SLC14A2: variants seen among roughly 807,000 people sequenced by gnomAD.
SLC14A2 encodes the protein solute carrier family 14 member 2, also known as urea transporter 2.
Under a neutral mutation model 104.6 loss-of-function variants are expected in SLC14A2, and 91 were observed. That is an observed-to-expected ratio of 0.87 (90% CI 0.73 to 1.04). The LOEUF (loss-of-function observed/expected upper bound fraction) is 1.04, where lower values mean the gene tolerates loss of function less well. Ranked by LOEUF, SLC14A2 falls within the 50% of genes least tolerant of loss-of-function variation. The pLI is 0.00. For synonymous variants in SLC14A2, 476 were observed against 466.4 expected (o/e 1.02, Z -0.27); for missense variants, 1,189 against 1,156.0 (o/e 1.03, Z -0.41).
Position 45,661,886 on chromosome 18 carries a change from C to T in SLC14A2, c.1352-1899C>T, listed in dbSNP as rs74858371. 7.7e-3 allele frequency among the ~76,000 whole-genome samples: 1,172 copies of T among 152,322 alleles called. 20 individuals are homozygous for T. The highest frequency in any genetic ancestry group is 0.025 in the African/African-American group (1,038 of 41,558). On this transcript the variant is annotated intron_variant, in intron 10 of 19. Coordinates refer to ENST00000255226, the MANE Select transcript of SLC14A2 (RefSeq NM_007163.4). ...ATCTCTGAAATGCAGAGTTGAGGGG[C>T]ACTTCTCAGTCTTGGGAGTTACAGC... is the stretch of plus-strand genomic sequence containing the variant.
At chr18:45,442,972 A>G (rs369097054) in intron 1 of SLC14A2, among the ~76,000 whole-genome samples, 5 of 152,178 alleles carry the variant, frequency 3.3e-5, no homozygotes, top group East Asian at 1.9e-4. Context: ...CACAATGTCA[A>G]TATGTGGGCC....
At chr18:45,629,307 T>A (rs779638855) in intron 4 of SLC14A2, among the ~76,000 whole-genome samples, 3 of 152,154 alleles carry the variant, frequency 2.0e-5, no homozygotes, top group South Asian at 4.1e-4. Context: ...CAAAGTCAGA[T>A]GGATGAGAGG....
the SLC14A2 span, among the ~76,000 whole-genome samples, chr18:45,168,385 C>A: frequency 6.6e-6 from 1 of 152,278 alleles, no homozygotes; most frequent in South Asian, 2.1e-4. Context: ...TGAATTTTGG[C>A]TGAACCTCAT....
chr18:45,401,815 C>T (rs74659519), intron 1 of SLC14A2, among the ~76,000 whole-genome samples: 1 of 152,092 alleles, frequency 6.6e-6, no homozygotes, highest in Non-Finnish European at 1.5e-5. Context: ...TGGAGATACA[C>T]TCCCTAAGAC....
intron 1 of SLC14A2, among the ~76,000 whole-genome samples, chr18:45,292,634 A>G (rs1599649327): frequency 6.6e-6 from 1 of 152,212 alleles, no homozygotes; most frequent in African/African-American, 2.4e-5. Context: ...CTCCTTAAAT[A>G]GGGTCCCCCA....
the SLC14A2 span, among the ~76,000 whole-genome samples, chr18:45,190,868 G>C: frequency 6.6e-6 from 1 of 152,186 alleles, no homozygotes; most frequent in South Asian, 2.1e-4. Flanking sequence ...TCACAGCTAA[G>C]AACTGCAGGG....
intron 2 of SLC14A2, among the ~76,000 whole-genome samples, chr18:45,557,666 T>C (rs543606015): frequency 2.0e-3 from 301 of 152,212 alleles, no homozygotes; most frequent in African/African-American, 6.9e-3. Context: ...AGAGGCCCCA[T>C]ATATTGGGCC....
intron 1 of SLC14A2, among the ~76,000 whole-genome samples, chr18:45,392,162 G>T (rs1032923814): frequency 1.3e-5 from 2 of 152,178 alleles, no homozygotes; most frequent in African/African-American, 4.8e-5. Context: ...TACCTCCTTG[G>T]AGTGGGCAAA....
At chr18:45,415,122 G>A (rs2086262867) in intron 1 of SLC14A2, among the ~76,000 whole-genome samples, 1 of 151,996 alleles carries the variant, frequency 6.6e-6, no homozygotes, top group South Asian at 2.1e-4. Context: ...CCTGACATGA[G>A]CCAGGTATGT....
chr18:45,350,347 G>T (rs2085490542), intron 1 of SLC14A2, among the ~76,000 whole-genome samples: 1 of 152,098 alleles, frequency 6.6e-6, no homozygotes, highest in African/African-American at 2.4e-5. Flanking sequence ...CACCCCCATG[G>T]CTCAGATACA....
chr18:45,176,503 C>T, the SLC14A2 span, among the ~76,000 whole-genome samples: 3 of 152,162 alleles, frequency 2.0e-5, no homozygotes, highest in Admixed American at 1.3e-4. Flanking sequence ...CACTTCCTCC[C>T]ATTCCCAACT....
chr18:45,625,975 GGATCTGCCC>G, intron 3 of SLC14A2, 112 bp downstream of exon 3: 3 of 823,724 alleles, frequency 3.6e-6, no homozygotes, highest in Non-Finnish European at 5.1e-6. Context: ...CACCCTGGGT[GGATCTGCCC>G]AGGACTGGAC....
intron 1 of SLC14A2, among the ~76,000 whole-genome samples, chr18:45,460,083 A>G (rs140558470): frequency 6.6e-6 from 1 of 152,228 alleles, no homozygotes; most frequent in Non-Finnish European, 1.5e-5. Context: ...AGATAGAGCC[A>G]TTGGGTTCTG....
intron 1 of SLC14A2, among the ~76,000 whole-genome samples, chr18:45,472,281 G>A (rs2087265062): frequency 6.6e-6 from 1 of 152,172 alleles, no homozygotes; most frequent in Non-Finnish European, 1.5e-5. Context: ...TATCATTGAT[G>A]GGCATTTGGG....
intron 2 of SLC14A2, among the ~76,000 whole-genome samples, chr18:45,517,101 G>A (rs529249867): frequency 3.3e-5 from 5 of 152,292 alleles, no homozygotes; most frequent in South Asian, 2.1e-4. Flanking sequence ...AGCACAGTTC[G>A]GTGAGATGTG....
chr18:45,332,555 C>G (rs891021217), intron 1 of SLC14A2, among the ~76,000 whole-genome samples: 1 of 152,074 alleles, frequency 6.6e-6, no homozygotes, highest in South Asian at 2.1e-4. Context: ...AATTAAGGAC[C>G]AGGTCCTGGA....
intron 1 of SLC14A2, among the ~76,000 whole-genome samples, chr18:45,338,682 CA>C (rs59474827): frequency 6.0e-3 from 311 of 51,772 alleles, no homozygotes; most frequent in Non-Finnish European, 8.4e-3. Context: ...CACTGGCTCA[CA>C]AAAAAAAAAA....
In SLC14A2 at chr18:45,624,760, G is replaced by A. The variant is rs374701802; in HGVS notation, c.96G>A (p.Ser32=). ...AGTTTACCAGCCCGAGCTGGCCCTC[G>A]ACATCCCCGGATACTCACCCAGCTC... ...EAEFTSPSWP[S]TSPDTHPALP... The change falls in exon 2 of 20, where the codon TCG becomes TCA. Residue 32 remains serine, a synonymous_variant. Coordinates refer to ENST00000255226, the MANE Select transcript of SLC14A2 (RefSeq NM_007163.4). The A allele has an allele frequency of 3.1e-5, 50 of 1,613,142 alleles. No individual in the cohort carries two copies. Among genetic ancestry groups the A allele is most frequent in the African/African-American group, 1.1e-4 (8 of 74,974 alleles).
chr18:45,634,548 G>A (rs1246427187), intron 5 of SLC14A2, among the ~76,000 whole-genome samples: 2 of 152,212 alleles, frequency 1.3e-5, no homozygotes, highest in African/African-American at 2.4e-5. Flanking sequence ...GAAGATGTGG[G>A]TGAAGGATGT....
Sources: allele counts gnomAD v4.1 joint callset (sites outside exome capture counted in the v4.1 genomes callset), GRCh38; gene constraint gnomAD v4.1.1; transcripts MANE v1.5; gene names NCBI Gene and HGNC (gene_info 2026-07-23, HGNC 2026-07-21).